Variants in CHI3L1 observed in about 807,000 individuals in gnomAD.
CHI3L1 encodes the protein chitinase-3-like protein 1.
Under a neutral mutation model 40.7 loss-of-function variants are expected in CHI3L1, and 30 were observed. The ratio of observed to expected loss-of-function variants is 0.74; its 90% CI spans 0.55 to 1.00. CHI3L1 has a LOEUF of 1.00. Among genes scored for constraint, CHI3L1 ranks in the 50% least tolerant of loss-of-function variants. The probability of loss-of-function intolerance (pLI) is 0.00; values close to 1 mark genes in which losing one functional copy is unlikely to be tolerated. For missense variants in CHI3L1, 493 were observed against 492.2 expected (o/e 1.00, Z -0.01); for synonymous variants, 210 against 192.1 (o/e 1.09, Z -0.77).
chr1:203,185,154 C>A, intron 3 of CHI3L1, 30 bp downstream of exon 3: 1 of 1,605,472 alleles, frequency 6.2e-7, no homozygotes, highest in South Asian at 1.1e-5. Flanking sequence ...CCCAGCTGGT[C>A]CCTCCTCTCC....
intron 7 of CHI3L1, among the ~76,000 whole-genome samples, chr1:203,180,940 C>G (rs1009787009): frequency 2.0e-5 from 3 of 152,212 alleles, no homozygotes; most frequent in African/African-American, 7.2e-5. Flanking sequence ...CAGCCTCTCC[C>G]CATTCGGCCC....
chr1:203,184,297 A>G (rs1656008137), intron 4 of CHI3L1, among the ~76,000 whole-genome samples: 1 of 152,168 alleles, frequency 6.6e-6, no homozygotes, highest in Non-Finnish European at 1.5e-5. Flanking sequence ...TAGCCCCAGA[A>G]GTCCCATATT....
At chr1:203,183,054 C>T (rs1445699673) in intron 5 of CHI3L1, among the ~76,000 whole-genome samples, 1 of 152,182 alleles carries the variant, frequency 6.6e-6, no homozygotes, top group Non-Finnish European at 1.5e-5. Context: ...CTAATCTTCT[C>T]CCCAAACCCA....
intron 5 of CHI3L1, 65 bp downstream of exon 5, chr1:203,183,576 C>T: frequency 6.4e-6 from 10 of 1,571,930 alleles, no homozygotes; most frequent in Non-Finnish European, 8.7e-6. Flanking sequence ...CTGACGCCGG[C>T]TTCTAGCCCA....
At position 203,185,189 on chromosome 1, in the gene CHI3L1, C is replaced by A; in HGVS notation, c.252G>T (p.Lys84Asn). The A allele has an allele frequency of 6.2e-7, 1 of 1,613,662 alleles. No individual in the cohort carries two copies. Among genetic ancestry groups the A allele is most frequent in the Non-Finnish European group, 8.5e-7 (1 of 1,179,794 alleles). ...CTGGCCAGCCCTGGCCCAACCTGTT[C>A]TTGAGTGTGTTGAGCATGCCGTAGA... ...VTLYGMLNTL[K>N]NRNPNLKTLL... Residue 84 changes from lysine to asparagine, a missense_variant, in exon 3 of 10, where the codon AAG (lysine) becomes AAT (asparagine). Physicochemically the swap from Lys to Asn is moderately conservative, Grantham distance 94. Transcript: ENST00000255409.
chr1:203,186,645 C>T lies in CHI3L1; in HGVS notation c.-22G>A, dbSNP rs1265937230. On this transcript the variant is annotated 5_prime_UTR_variant, in exon 1 of 10. Coordinates refer to ENST00000255409, the MANE Select transcript of CHI3L1 (RefSeq NM_001276.4). Reference sequence around the variant, plus strand: ...CCATTCTGGCTGCAGCAGAGCAGGGCAGGGTGTGGCCTCTTCCCTTGCCCA... The same window carrying T: ...CCATTCTGGCTGCAGCAGAGCAGGGTAGGGTGTGGCCTCTTCCCTTGCCCA... 1 of 1,614,036 alleles carries T rather than the reference C, an allele frequency of 6.2e-7. No homozygotes were observed. Among genetic ancestry groups the T allele is most frequent in the South Asian group, 1.1e-5 (1 of 91,074 alleles).
intron 3 of CHI3L1, 141 bp downstream of exon 3, chr1:203,185,043 T>C (rs1465648967): frequency 3.2e-5 from 22 of 680,728 alleles, no homozygotes; most frequent in Non-Finnish European, 5.1e-5. Context: ...AGTCATCCCC[T>C]CCACCCATTT....
rs1317022187 is a variant in CHI3L1, at chr1:203,182,859, G to A, written c.466-7C>T. The A allele has an allele frequency of 6.2e-7, 1 of 1,613,826 alleles. No individual in the cohort carries two copies. The highest frequency in any genetic ancestry group is 8.5e-7 in the Non-Finnish European group (1 of 1,179,910). On this transcript the variant is annotated splice_region_variant and splice_polypyrimidine_tract_variant and intron_variant, in intron 5 of 9. Coordinates refer to ENST00000255409, the MANE Select transcript of CHI3L1 (RefSeq NM_001276.4). Reference sequence around the variant, plus strand: ...TAAATTCGGCCTTCATTTCCTAGATGGGAGACAGGCAGGTGAGAGAAAGGG... The same window carrying A: ...TAAATTCGGCCTTCATTTCCTAGATAGGAGACAGGCAGGTGAGAGAAAGGG...
At chr1:203,179,642 G>T in intron 9 of CHI3L1, 57 bp from the exon 10 acceptor site, 1 of 1,613,862 alleles carries the variant, frequency 6.2e-7, no homozygotes, top group Non-Finnish European at 8.5e-7. Context: ...AGTGTGTACA[G>T]GGCACATGTG....
chr1:203,179,583 C>T lies in CHI3L1; in HGVS notation c.1014G>A (p.Val338=), dbSNP rs1393968516. 8 of 1,611,616 alleles carry T rather than the reference C, an allele frequency of 5.0e-6. No individual in the cohort carries two copies. The East Asian group carries it at 1.8e-4, about 36-fold the overall frequency. Residue 338 remains valine, a splice_region_variant and synonymous_variant, in exon 10 of 10, where the codon GTG becomes GTA. Transcript: ENST00000255409. The part of the protein sequence containing the change: ...YDDQESVKSK[V]QYLKDRQLAG... ...CCAGCTGCCTGTCCTTCAGGTACTG[C>T]ACCTGGCAGGGGAGGCCCAGAGGAG... is the stretch of plus-strand genomic sequence containing the variant.
Position 203,183,705 on chromosome 1 carries a change from C to T in CHI3L1, c.401G>A (p.Gly134Glu), listed in dbSNP as rs1410043657. Reference protein sequence around the residue: ...PPFLRTHGFDGLDLAWLYPGR... With the variant: ...PPFLRTHGFDELDLAWLYPGR... Reference sequence around the variant, plus strand: ...AGGGTAGAGCCAGGCAAGGTCCAGCCCATCAAAGCCATGGGTGCGCAGAAA... The same window carrying T: ...AGGGTAGAGCCAGGCAAGGTCCAGCTCATCAAAGCCATGGGTGCGCAGAAA... The change falls in exon 5 of 10, where the codon GGG becomes GAG. Residue 134 changes from glycine (G) to glutamate (E), a missense_variant. Transcript: ENST00000255409. The T allele has an allele frequency of 1.9e-6, 3 of 1,614,164 alleles. No homozygotes were observed. The highest frequency in any genetic ancestry group is 2.5e-6 in the Non-Finnish European group (3 of 1,180,028).
chr1:203,181,112 T>C lies in CHI3L1; in HGVS notation c.711+50A>G, dbSNP rs1164395326. On this transcript the variant is annotated intron_variant, in intron 7 of 9. Transcript: ENST00000255409. ...AGATTGGTGTGTGAGCACTGGCAGA[T>C]GGCAGGTCTTGCGGCCCCCTCCTGG... 24 of 1,604,826 alleles carry C rather than the reference T, an allele frequency of 1.5e-5. No individual in the cohort carries two copies. In the East Asian group the frequency reaches 5.1e-4, roughly 34 times the overall value.
In CHI3L1 at chr1:203,186,604, T is replaced by G; in HGVS notation, c.20A>C (p.Gln7Pro). The G allele has an allele frequency of 6.2e-7, 1 of 1,614,088 alleles. No individual in the cohort carries two copies. Among genetic ancestry groups the G allele is most frequent in the East Asian group, 2.2e-5 (1 of 44,884 alleles). ...ACCTTGGCTAGCCCAGATACCTGTTTGAGACGCCTTCACACCCATTCTGGC... is the reference window on the plus strand; with the variant it reads ...ACCTTGGCTAGCCCAGATACCTGTTGGAGACGCCTTCACACCCATTCTGGC... MGVKAS[Q>P]TGFVVLVLLQ... Residue 7 changes from glutamine to proline, a missense_variant, in exon 1 of 10, where the codon CAA (glutamine) becomes CCA (proline). Gln to Pro is a moderately conservative substitution (Grantham distance 76). Transcript: ENST00000255409.
At position 203,185,385 on chromosome 1, in the gene CHI3L1, C is replaced by A; in HGVS notation, c.56G>T (p.Cys19Phe). 6.2e-7 allele frequency: 1 copy of A among 1,613,840 alleles called. No individual in the cohort carries two copies. Among genetic ancestry groups the A allele is most frequent in the Non-Finnish European group, 8.5e-7 (1 of 1,180,014 alleles). The change falls in exon 3 of 10, where the codon TGC (cysteine) becomes TTC (phenylalanine). Residue 19 changes from cysteine (C) to phenylalanine (F), a missense_variant and splice_region_variant. By Grantham distance (205) the Cys-to-Phe change is radical. Coordinates refer to ENST00000255409, the MANE Select transcript of CHI3L1 (RefSeq NM_001276.4). Reference protein sequence around the residue: ...GFVVLVLLQCCSAYKLVCYYT... With the variant: ...GFVVLVLLQCFSAYKLVCYYT... ...GTAGCAGACCAGTTTGTATGCAGAG[C>A]CTGAAGGAGAAGTCTGGGATGGGGC...
At chr1:203,182,594 A>G in intron 6 of CHI3L1, 137 bp downstream of exon 6, 1 of 939,922 alleles carries the variant, frequency 1.1e-6, no homozygotes, top group Non-Finnish European at 1.6e-6. Flanking sequence ...GCTCAAGGTC[A>G]CACATCAAGG....
rs1656031556 is a variant in CHI3L1 at position 203,185,240 on chromosome 1, G to A, written c.201C>T (p.Asp67=). ...SFANISNDHI[D]TWEWNDVTLY... ...GCGTCACATCATTCCACTCCCAGGT[G>A]TCGATGTGATCGTTGCTTATATTGG... Residue 67 remains aspartate (D), a synonymous_variant, in exon 3 of 10, where the codon GAC becomes GAT. Coordinates refer to ENST00000255409, the MANE Select transcript of CHI3L1 (RefSeq NM_001276.4). 1.2e-6 allele frequency: 2 copies of A among 1,614,216 alleles called. No homozygotes were observed. The highest frequency in any genetic ancestry group is 1.3e-5 in the African/African-American group (1 of 75,058).
intron 1 of CHI3L1, 79 bp from the exon 2 acceptor site, chr1:203,186,424 C>G: frequency 6.8e-6 from 10 of 1,465,618 alleles, no homozygotes; most frequent in South Asian, 4.8e-5. Flanking sequence ...GCAACTGAGA[C>G]CCACCTCCCC....
chr1:203,184,359 A>G (rs1174882060), intron 4 of CHI3L1, among the ~76,000 whole-genome samples: 1 of 152,182 alleles, frequency 6.6e-6, no homozygotes, highest in Non-Finnish European at 1.5e-5. Context: ...TGGGAGATCC[A>G]CTGTTAACTT....
intron 5 of CHI3L1, 60 bp downstream of exon 5, chr1:203,183,570 CGCCGGCTTCTA>C: frequency 6.5e-7 from 1 of 1,534,760 alleles, no homozygotes; most frequent in Non-Finnish European, 9.0e-7. Context: ...CAGCAGCTGA[CGCCGGCTTCTA>C]GCCCACCCCA....
Sources: allele counts gnomAD v4.1 joint callset (sites outside exome capture counted in the v4.1 genomes callset), GRCh38; gene constraint gnomAD v4.1.1; transcripts MANE v1.5; gene names NCBI Gene and HGNC (gene_info 2026-07-23, HGNC 2026-07-21).